Variants in KCNH5 observed in about 807,000 individuals in gnomAD.
KCNH5 encodes potassium voltage-gated channel subfamily H member 5.
KCNH5 carries 46 observed loss-of-function variants against 96.1 expected under a neutral mutation model. That is an observed-to-expected ratio of 0.48 (90% CI 0.38 to 0.61). The LOEUF is 0.61. KCNH5 is among the 20% of genes least tolerant of loss of function. KCNH5 has a pLI of 0.00. For synonymous variants in KCNH5, 439 were observed against 449.8 expected, an observed-to-expected ratio of 0.98 and a Z score of 0.30; for missense variants, 907 against 1,225.8, an observed-to-expected ratio of 0.74 and a Z score of 3.88.
chr14:62,828,582 C>A (rs1005215857), intron 8 of KCNH5, among the ~76,000 whole-genome samples: 2 of 152,098 alleles, frequency 1.3e-5, no homozygotes, highest in African/African-American at 4.8e-5. Context: ...CACTTTTAAA[C>A]CATCAGATCT....
intron 7 of KCNH5, among the ~76,000 whole-genome samples, chr14:62,920,396 A>G (rs1889357650): frequency 6.6e-6 from 1 of 152,184 alleles, no homozygotes; most frequent in Admixed American, 6.6e-5. Context: ...CTTTCAGGTT[A>G]AAGCAGGGAT....
chr14:63,009,943 T>G (rs1891195151), intron 2 of KCNH5, among the ~76,000 whole-genome samples: 1 of 152,328 alleles, frequency 6.6e-6, no homozygotes, highest in Middle Eastern at 3.4e-3. Flanking sequence ...TAATTTTCCA[T>G]AGTTTTCATA....
At chr14:63,030,202 T>C (rs897856879) in intron 1 of KCNH5, among the ~76,000 whole-genome samples, 1 of 152,186 alleles carries the variant, frequency 6.6e-6, no homozygotes, top group African/African-American at 2.4e-5. Flanking sequence ...GATTGTTTCA[T>C]TCCTTAAAGA....
rs1884334207 is a variant in KCNH5, at chr14:62,700,702, T to C, written c.*6806A>G. The C allele has an allele frequency of 6.6e-6, 1 of 152,178 alleles. No homozygotes were observed. The highest frequency in any genetic ancestry group is 1.5e-5 in the Non-Finnish European group (1 of 68,014). The allele number at this position is 152,178 out of a possible 1,614,324, so 9.4% of individuals were successfully genotyped here. ...ACATGGAATTATAAATGAATCTTTG[T>C]TGTGATTTTGCATAGTTTACTAGCT... On this transcript the variant is annotated 3_prime_UTR_variant, in exon 11 of 11. Coordinates refer to ENST00000322893, the MANE Select transcript of KCNH5 (RefSeq NM_139318.5).
intron 8 of KCNH5, among the ~76,000 whole-genome samples, chr14:62,840,118 C>G (rs1010283096): frequency 6.6e-6 from 1 of 152,032 alleles, no homozygotes; most frequent in Non-Finnish European, 1.5e-5. Flanking sequence ...ACCACAAAAC[C>G]CTCTAATACC....
chr14:62,931,565 G>A (rs1412193533), intron 7 of KCNH5, among the ~76,000 whole-genome samples: 1 of 152,144 alleles, frequency 6.6e-6, no homozygotes, highest in Non-Finnish European at 1.5e-5. Context: ...CATAGGACAA[G>A]TAGTAACTAA....
At chr14:62,724,211 C>T (rs905199203) in intron 10 of KCNH5, among the ~76,000 whole-genome samples, 11 of 151,990 alleles carry the variant, frequency 7.2e-5, no homozygotes, top group Non-Finnish European at 8.8e-5. Context: ...CTTCCTTTGC[C>T]GGAGATTTGA....
chr14:62,762,341 T>G (rs550599722), intron 10 of KCNH5, among the ~76,000 whole-genome samples: 2 of 152,236 alleles, frequency 1.3e-5, no homozygotes, highest in East Asian at 3.9e-4. Context: ...CCATGCCCAC[T>G]TGCAGCACAG....
At chr14:62,963,634 T>G (rs914939921) in intron 6 of KCNH5, among the ~76,000 whole-genome samples, 2 of 152,140 alleles carry the variant, frequency 1.3e-5, no homozygotes, top group African/African-American at 2.4e-5. Flanking sequence ...CTTTTTCTAT[T>G]CAGGCCCTCA....
chr14:62,958,560 C>T (rs951752601), intron 6 of KCNH5, among the ~76,000 whole-genome samples: 3 of 152,176 alleles, frequency 2.0e-5, no homozygotes, highest in African/African-American at 7.2e-5. Flanking sequence ...ACACCAACTG[C>T]AAAAGTAGTT....
At chr14:62,778,595 C>T (rs2139974228) in intron 10 of KCNH5, among the ~76,000 whole-genome samples, 1 of 152,342 alleles carries the variant, frequency 6.6e-6, no homozygotes, top group Non-Finnish European at 1.5e-5. Context: ...TTCATCATTG[C>T]CTTCACTTTC....
At chr14:62,835,413 T>C (rs1453357650) in intron 8 of KCNH5, among the ~76,000 whole-genome samples, 8 of 152,062 alleles carry the variant, frequency 5.3e-5, no homozygotes, top group African/African-American at 1.7e-4. Context: ...TTGTCTCTTA[T>C]AGGATAAAAA....
At chr14:62,842,943 C>T (rs527263807) in intron 8 of KCNH5, among the ~76,000 whole-genome samples, 2 of 152,222 alleles carry the variant, frequency 1.3e-5, no homozygotes, top group African/African-American at 4.8e-5. Flanking sequence ...CATTCAGACA[C>T]AATCATATAA....
At chr14:63,009,479 AAT>A (rs1891186384) in intron 2 of KCNH5, among the ~76,000 whole-genome samples, 2 of 152,234 alleles carry the variant, frequency 1.3e-5, no homozygotes, top group African/African-American at 4.8e-5. Context: ...CGGTTTTTAA[AAT>A]AGTCTTTCAT....
intron 8 of KCNH5, among the ~76,000 whole-genome samples, chr14:62,807,216 A>G (rs1886785224): frequency 6.6e-6 from 1 of 152,172 alleles, no homozygotes; most frequent in Non-Finnish European, 1.5e-5. Context: ...CTGTCAAAGA[A>G]AACAAAAAAT....
intron 10 of KCNH5, among the ~76,000 whole-genome samples, chr14:62,753,739 T>C (rs1321311606): frequency 1.3e-5 from 2 of 152,160 alleles, no homozygotes; most frequent in African/African-American, 4.8e-5. Context: ...AATAGTTATC[T>C]GGCAAAGATA....
chr14:63,011,989 T>C (rs1265546881), intron 2 of KCNH5, among the ~76,000 whole-genome samples: 1 of 152,218 alleles, frequency 6.6e-6, no homozygotes, highest in Non-Finnish European at 1.5e-5. Flanking sequence ...CAATCCACCC[T>C]ACCTAAACTA....
At position 63,010,975 on chromosome 14, in the gene KCNH5, G is replaced by T. The variant is rs117899084; in HGVS notation, c.198-4503C>A. 6.5e-3 allele frequency among the ~76,000 whole-genome samples: 987 copies of T among 152,228 alleles called. 8 individuals are homozygous for T. The highest frequency in any genetic ancestry group is 0.01 in the Non-Finnish European group (708 of 68,012). ...ACCATAATACAGGGTAATATTATCT[G>T]CAGGCTGTAGTTCATAGATTAGCAA... On this transcript the variant is annotated intron_variant, in intron 2 of 10. Transcript: ENST00000322893.
intron 8 of KCNH5, among the ~76,000 whole-genome samples, chr14:62,834,805 C>T (rs1037105037): frequency 6.6e-6 from 1 of 151,940 alleles, no homozygotes; most frequent in African/African-American, 2.4e-5. Context: ...ATTAATACGT[C>T]CACAAATAAT....
Sources: allele counts gnomAD v4.1 joint callset (sites outside exome capture counted in the v4.1 genomes callset), GRCh38; gene constraint gnomAD v4.1.1; transcripts MANE v1.5; gene names NCBI Gene and HGNC (gene_info 2026-07-23, HGNC 2026-07-21).